SRM: variants seen among roughly 807,000 people sequenced by gnomAD.
SRM encodes spermidine synthase.
A neutral mutation model predicts 39.3 loss-of-function variants in SRM; 14 were observed. The ratio of observed to expected loss-of-function variants is 0.36; its 90% confidence interval spans 0.24 to 0.56. The LOEUF is 0.56. Among genes scored for constraint, SRM ranks in the 20% least tolerant of loss-of-function variants. The probability of loss-of-function intolerance (pLI) is 0.86; values close to 1 mark genes in which losing one functional copy is unlikely to be tolerated. For missense variants in SRM, 244 were observed against 409.2 expected (o/e 0.60, Z 3.48); for synonymous variants, 195 against 173.1 (o/e 1.13, Z -0.99).
intron 1 of SRM, 178 bp from the exon 2 acceptor site, chr1:11,059,523 C>A: frequency 9.0e-7 from 1 of 1,112,678 alleles, no homozygotes; most frequent in East Asian, 2.5e-5. Flanking sequence ...GGGGTGGGAC[C>A]CGGGGTCTCC....
rs554655960 is a variant in SRM at position 11,059,515 on chromosome 1, G to A, written c.168-170C>T. 1.3e-3 allele frequency: 1,498 copies of A among 1,186,066 alleles called. 1 individual carries two copies. The highest frequency in any genetic ancestry group is 1.6e-3 in the Non-Finnish European group (1,400 of 849,750). 73.5% of individuals were successfully genotyped at this position (1,186,066 alleles called of 1,614,324 possible). On this transcript the variant is annotated intron_variant, in intron 1 of 7. Coordinates refer to ENST00000376957, the MANE Select transcript of SRM (RefSeq NM_003132.3). The stretch of plus-strand genomic sequence containing the variant: ...AGGCGGGCCGCCGGGTGGAGGCCGG[G>A]GTGGGACCCGGGGTCTCCTCGGGCT...
chr1:11,055,010 G>A lies in SRM; in HGVS notation c.840C>T (p.Asn280=). The change falls in exon 7 of 8, where the codon AAC becomes AAT. Residue 280 remains asparagine (N), a synonymous_variant. Coordinates refer to ENST00000376957, the MANE Select transcript of SRM (RefSeq NM_003132.3). The part of the protein sequence containing the change: ...QVAQMQLKYY[N]SDVHRAAFVL... ...CAAAGGCGGCGCGGTGCACGTCGGA[G>A]TTGTAGTACTTCAGCTGCATCTGCG... 1 of 1,612,890 alleles carries A rather than the reference G, an allele frequency of 6.2e-7. No homozygotes were observed. Among genetic ancestry groups the A allele is most frequent in the Non-Finnish European group, 8.5e-7 (1 of 1,179,934 alleles).
intron 3 of SRM, among the ~76,000 whole-genome samples, chr1:11,058,173 C>T (rs989543128): frequency 7.2e-5 from 11 of 152,222 alleles, no homozygotes; most frequent in African/African-American, 2.4e-4. Flanking sequence ...ACACCTGGCA[C>T]GTAGCATGAT....
At position 11,056,741 on chromosome 1, in the gene SRM, G is replaced by C; in HGVS notation, c.398C>G (p.Ser133Cys). Reference sequence around the variant, plus strand: ...GGCCATGCCTGGCAGGAACTTCTTGGAGACTTGGATGACATCCTGGAGGGG... The same window carrying C: ...GGCCATGCCTGGCAGGAACTTCTTGCAGACTTGGATGACATCCTGGAGGGG... ...CEIDEDVIQV[S>C]KKFLPGMAIG... The change falls in exon 4 of 8, where the codon TCC becomes TGC. Residue 133 changes from serine to cysteine, a missense_variant. Transcript: ENST00000376957. 1.9e-6 allele frequency: 3 copies of C among 1,614,184 alleles called. No homozygotes were observed. Among genetic ancestry groups the C allele is most frequent in the Non-Finnish European group, 2.5e-6 (3 of 1,180,032 alleles).
Position 11,058,870 on chromosome 1 carries a change from T to C in SRM, c.311A>G (p.Asp104Gly), listed in dbSNP as rs142760727. The stretch of plus-strand genomic sequence containing the variant: ...CACCACCTCCCGCAGGACACCTCCA[T>C]CTCCGCCCCCGATGATCAGCACCTG... ...PRKVLIIGGG[D>G]GGVLREVVKH... The change falls in exon 3 of 8, where the codon GAT becomes GGT. Residue 104 changes from aspartate (D) to glycine (G), a missense_variant. By Grantham distance (94) the Asp-to-Gly change is moderately conservative. Transcript: ENST00000376957. 1 of 1,610,710 alleles carries C rather than the reference T, an allele frequency of 6.2e-7. No individual in the cohort carries two copies. The highest frequency in any genetic ancestry group is 8.5e-7 in the Non-Finnish European group (1 of 1,179,250).
chr1:11,057,335 T>TATTC (rs202177432), intron 3 of SRM, among the ~76,000 whole-genome samples: 11 of 151,914 alleles, frequency 7.2e-5, no homozygotes, highest in African/African-American at 2.7e-4. Flanking sequence ...TTTATTTATT[T>TATTC]TTCGAGACAG....
intron 6 of SRM, 182 bp from the exon 7 acceptor site, chr1:11,055,266 A>AT (rs879796773): frequency 0.061 from 40,843 of 669,066 alleles, 28 homozygotes; most frequent in East Asian, 0.072. Flanking sequence ...CGCCCGGCTA[A>AT]TTTTTTTTTT....
chr1:11,059,546 G>T, intron 1 of SRM: 2 of 972,658 alleles, frequency 2.1e-6, no homozygotes, highest in Non-Finnish European at 3.0e-6. Context: ...GGGCTCTGAC[G>T]TGTCCTGAGG....
At position 11,055,665 on chromosome 1, in the gene SRM, T is replaced by C. The variant is rs576904978; in HGVS notation, c.765+116A>G. 1.5e-5 allele frequency: 17 copies of C among 1,102,030 alleles called. No homozygotes were observed. In the South Asian group the frequency reaches 2.5e-4, roughly 16 times the overall value. 68.3% of individuals were successfully genotyped at this position (1,102,030 alleles called of 1,614,324 possible). ...CTCCTGACCTTGTGATCTGCCCGCCTCAGCCTCCCAAAGTGCTGGGATTAC... is the reference window on the plus strand; with the variant it reads ...CTCCTGACCTTGTGATCTGCCCGCCCCAGCCTCCCAAAGTGCTGGGATTAC... On this transcript the variant is annotated intron_variant, in intron 6 of 7. Coordinates refer to ENST00000376957, the MANE Select transcript of SRM (RefSeq NM_003132.3).
chr1:11,059,869 G>GCAGGTCTCGCGGAAC lies in SRM; in HGVS notation c.60_74dup (p.Trp20_Thr24dup), dbSNP rs1553163271. On this transcript the variant is annotated inframe_insertion, in exon 1 of 8. Transcript: ENST00000376957. ...ACAGGGCCTGGCCGGGCCACAGGCT[G>GCAGGTCTCGCGGAAC]CAGGTCTCGCGGAACCAGCCCTCGC... is the stretch of plus-strand genomic sequence containing the variant. 1 of 1,539,288 alleles carries GCAGGTCTCGCGGAAC rather than the reference G, an allele frequency of 6.5e-7. No individual in the cohort carries two copies. The highest frequency in any genetic ancestry group is 8.7e-7 in the Non-Finnish European group (1 of 1,153,440).
At position 11,055,807 on chromosome 1, in the gene SRM, C is replaced by T. The variant is rs1638867303; in HGVS notation, c.739G>A (p.Gly247Ser). 1.9e-6 allele frequency: 3 copies of T among 1,604,538 alleles called. No homozygotes were observed. The highest frequency in any genetic ancestry group is 2.6e-6 in the Non-Finnish European group (3 of 1,176,242). The change falls in exon 6 of 8, where the codon GGC (glycine) becomes AGC (serine). Residue 247 changes from glycine (G) to serine (S), a missense_variant. Coordinates refer to ENST00000376957, the MANE Select transcript of SRM (RefSeq NM_003132.3). ...GGGTTCTTGCTGCACAGCATGAAGC[C>T]GATCTGGCCGCTGGGGTAGGTGGGG... ...TIPTYPSGQIGFMLCSKNPST... is the reference protein window; with the variant it reads ...TIPTYPSGQISFMLCSKNPST...
At chr1:11,055,266 A>ATTTT in intron 6 of SRM, 182 bp from the exon 7 acceptor site, 3 of 677,410 alleles carry the variant, frequency 4.4e-6, no homozygotes, top group Non-Finnish European at 6.5e-6. Flanking sequence ...CGCCCGGCTA[A>ATTTT]TTTTTTTTTT....
Position 11,059,837 on chromosome 1 carries a change from T to C in SRM, c.107A>G (p.Gln36Arg). Residue 36 changes from glutamine to arginine, a missense_variant, in exon 1 of 8, where the codon CAG (glutamine) becomes CGG (arginine). Gln to Arg is a conservative substitution (Grantham distance 43). Transcript: ENST00000376957. ...SLWPGQALSL[Q>R]VEQLLHHRRS... ...CCGGTGGTGGAGCAGCTGCTCCACCTGCAGTGACAGGGCCTGGCCGGGCCA... is the reference window on the plus strand; with the variant it reads ...CCGGTGGTGGAGCAGCTGCTCCACCCGCAGTGACAGGGCCTGGCCGGGCCA... 6.4e-7 allele frequency: 1 copy of C among 1,572,202 alleles called. No individual in the cohort carries two copies. Among genetic ancestry groups the C allele is most frequent in the South Asian group, 1.1e-5 (1 of 89,266 alleles).
Position 11,055,087 on chromosome 1 carries a change from G to A in SRM, c.766-3C>T. On this transcript the variant is annotated splice_polypyrimidine_tract_variant and splice_region_variant and intron_variant, in intron 6 of 7. Transcript: ENST00000376957. ...ACCGGCTCCTGGAAGTTCGTGCTCTGGGGACCGGGCCAGGGGCACATCAGG... is the reference window on the plus strand; with the variant it reads ...ACCGGCTCCTGGAAGTTCGTGCTCTAGGGACCGGGCCAGGGGCACATCAGG... 6.2e-7 allele frequency: 1 copy of A among 1,609,238 alleles called. No individual in the cohort carries two copies. The highest frequency in any genetic ancestry group is 1.3e-5 in the African/African-American group (1 of 74,882).
At position 11,055,871 on chromosome 1, in the gene SRM, C is replaced by T. The variant is rs939367344; in HGVS notation, c.675G>A (p.Gln225=). The change falls in exon 6 of 8, where the codon CAG becomes CAA. Residue 225 remains glutamine, a synonymous_variant. Transcript: ENST00000376957. ...DLIKEMRQFC[Q]SLFPVVAYAY... is the part of the protein sequence containing the mutation. ...CATAGGCCACCACGGGGAACAGGGA[C>T]TGGCAGAACTGCCGCATCTCCTTGA... 5 of 1,612,100 alleles carry T rather than the reference C, an allele frequency of 3.1e-6. No homozygotes were observed. Among genetic ancestry groups the T allele is most frequent in the Non-Finnish European group, 4.2e-6 (5 of 1,179,046 alleles).
intron 5 of SRM, 31 bp downstream of exon 5, chr1:11,055,980 C>T (rs1226298181): frequency 1.7e-5 from 27 of 1,597,654 alleles, no homozygotes; most frequent in Non-Finnish European, 2.2e-5. Context: ...CCCACCCCGC[C>T]CCGCCCCAGT....
In SRM at chr1:11,059,964, G is replaced by T. The variant is rs888288381; in HGVS notation, c.-21C>A. 2 of 991,866 alleles carry T rather than the reference G, an allele frequency of 2.0e-6. No individual in the cohort carries two copies. Among genetic ancestry groups the T allele is most frequent in the African/African-American group, 1.8e-5 (1 of 56,762 alleles). 61.4% of individuals were successfully genotyped at this position (991,866 alleles called of 1,614,324 possible). ...TCCATGGCGGGCGGGCGGGCGGCGCGGGGCGCGGGCCCGGGACTGCAGGCC... is the reference window on the plus strand; with the variant it reads ...TCCATGGCGGGCGGGCGGGCGGCGCTGGGCGCGGGCCCGGGACTGCAGGCC... On this transcript the variant is annotated 5_prime_UTR_variant, in exon 1 of 8. Transcript: ENST00000376957.
chr1:11,055,077 T>G lies in SRM; in HGVS notation c.773A>C (p.Asn258Thr), dbSNP rs1441624160. 6.2e-7 allele frequency: 1 copy of G among 1,609,874 alleles called. No homozygotes were observed. The highest frequency in any genetic ancestry group is 1.3e-5 in the African/African-American group (1 of 74,700). ...CAGCGGCTGCACCGGCTCCTGGAAGTTCGTGCTCTGGGGACCGGGCCAGGG... is the reference window on the plus strand; with the variant it reads ...CAGCGGCTGCACCGGCTCCTGGAAGGTCGTGCTCTGGGGACCGGGCCAGGG... ...FMLCSKNPST[N>T]FQEPVQPLTQ... Residue 258 changes from asparagine (N) to threonine (T), a missense_variant, in exon 7 of 8, where the codon AAC (asparagine) becomes ACC (threonine). Coordinates refer to ENST00000376957, the MANE Select transcript of SRM (RefSeq NM_003132.3).
At chr1:11,058,116 A>G (rs895063886) in intron 3 of SRM, among the ~76,000 whole-genome samples, 4 of 152,144 alleles carry the variant, frequency 2.6e-5, no homozygotes, top group Non-Finnish European at 5.9e-5. Flanking sequence ...CAGCTCCTAG[A>G]GGGCAGGGAC....
Sources: gnomAD v4.1 joint callset for allele counts (sites outside exome capture counted in the v4.1 genomes callset) on GRCh38, gnomAD v4.1.1 for gene constraint, MANE v1.5 for transcripts, NCBI Gene and HGNC (gene_info 2026-07-23, HGNC 2026-07-21) for gene names.